Variants in LATS1 observed in about 807,000 individuals in gnomAD.
LATS1 encodes serine/threonine-protein kinase LATS1.
In LATS1, 25 loss-of-function variants were observed where a neutral mutation model predicts 106.6. That is an observed-to-expected ratio of 0.23 (90% CI 0.17 to 0.33). The LOEUF (loss-of-function observed/expected upper bound fraction) is 0.33, where lower values mean the gene tolerates loss of function less well. Ranked by LOEUF, LATS1 falls within the 10% of genes least tolerant of loss-of-function variation. The pLI, the probability that LATS1 is intolerant of heterozygous loss-of-function variation, is 1.00. For synonymous variants in LATS1, 465 were observed against 455.6 expected (o/e 1.02, Z -0.26); for missense variants, 1,040 against 1,382.6 (o/e 0.75, Z 3.93).
At chr6:149,674,203 T>C (rs1340489151) in intron 7 of LATS1, among the ~76,000 whole-genome samples, 1 of 151,252 alleles carries the variant, frequency 6.6e-6, no homozygotes, top group East Asian at 1.9e-4. Flanking sequence ...GCCTCCCAAG[T>C]AGCTGGGATT....
chr6:149,700,929 A>G (rs1162753643), intron 2 of LATS1, among the ~76,000 whole-genome samples: 1 of 152,142 alleles, frequency 6.6e-6, no homozygotes, highest in Non-Finnish European at 1.5e-5. Flanking sequence ...GATTACAGGC[A>G]TGTGCCACTA....
intron 7 of LATS1, among the ~76,000 whole-genome samples, chr6:149,669,189 A>T (rs1012938848): frequency 1.3e-5 from 2 of 151,508 alleles, no homozygotes; most frequent in African/African-American, 4.9e-5. Context: ...GCTGGAGTGC[A>T]GTGGCGCCAT....
rs888847591 is a variant in LATS1, at chr6:149,665,773, A to G, written c.2884-3535T>C. Among the ~76,000 whole-genome samples, 4 of 152,188 alleles carry G rather than the reference A, an allele frequency of 2.6e-5. No homozygotes were observed. In the East Asian group the frequency reaches 7.7e-4, roughly 29 times the overall value. ...TTTGAAACTGACATTGAAATCAAAA[A>G]AGACTGGTTGGAACTTGTGGCCTGA... On this transcript the variant is annotated intron_variant, in intron 7 of 7. Coordinates refer to ENST00000543571, the MANE Select transcript of LATS1 (RefSeq NM_004690.4).
intron 7 of LATS1, among the ~76,000 whole-genome samples, chr6:149,672,484 C>T (rs1016183371): frequency 3.3e-5 from 5 of 151,532 alleles, no homozygotes; most frequent in East Asian, 2.0e-4. Flanking sequence ...GCTGGGATTA[C>T]AGGTGTGAGT....
At chr6:149,707,461 T>C (rs534572110) in intron 1 of LATS1, among the ~76,000 whole-genome samples, 4 of 152,284 alleles carry the variant, frequency 2.6e-5, no homozygotes, top group African/African-American at 9.6e-5. Context: ...GAATGTATTG[T>C]TGCCCAAATT....
chr6:149,665,321 C>T (rs1168768612), intron 7 of LATS1, among the ~76,000 whole-genome samples: 1 of 152,126 alleles, frequency 6.6e-6, no homozygotes, highest in Non-Finnish European at 1.5e-5. Flanking sequence ...AAGATTGTGC[C>T]ACTGCACTCC....
At chr6:149,699,245 T>C (rs1783299216) in intron 2 of LATS1, among the ~76,000 whole-genome samples, 1 of 152,148 alleles carries the variant, frequency 6.6e-6, no homozygotes, top group Non-Finnish European at 1.5e-5. Context: ...TTCAAGGAAG[T>C]AGAAGTGGAC....
Position 149,661,773 on chromosome 6 carries a change from T to C in LATS1, c.3349A>G (p.Asn1117Asp). Reference sequence around the variant, plus strand: ...CGATTTTTAATCTCTGAGCCTGTGTTTTGATCATCTTCATCCGACTGCTGC... The same window carrying C: ...CGATTTTTAATCTCTGAGCCTGTGTCTTGATCATCTTCATCCGACTGCTGC... The part of the protein sequence containing the change: ...SEQQSDEDDQ[N>D]TGSEIKNRDL... The change falls in exon 8 of 8, where the codon AAC becomes GAC. Residue 1117 changes from asparagine to aspartate, a missense_variant. Asn to Asp is a conservative substitution (Grantham distance 23). Around this residue, in one of 7 missense-constraint regions of LATS1, gnomAD observed 46 missense variants for 42.4 expected, o/e 1.09. Transcript: ENST00000543571. 1 of 1,592,834 alleles carries C rather than the reference T, an allele frequency of 6.3e-7. No individual in the cohort carries two copies. Among genetic ancestry groups the C allele is most frequent in the Non-Finnish European group, 8.5e-7 (1 of 1,171,178 alleles).
chr6:149,716,358 C>T (rs1784394992), intron 1 of LATS1: 1 of 152,152 alleles, frequency 6.6e-6, no homozygotes, highest in Non-Finnish European at 1.5e-5. Context: ...TTCTTCAGTT[C>T]ACTTTCTAAT....
chr6:149,693,032 A>G (rs1782858868), intron 3 of LATS1, among the ~76,000 whole-genome samples: 1 of 151,852 alleles, frequency 6.6e-6, no homozygotes, highest in African/African-American at 2.4e-5. Flanking sequence ...CGGGAGGCTG[A>G]GGCAGGCAGA....
At chr6:149,702,537 A>T (rs1171622778) in intron 1 of LATS1, among the ~76,000 whole-genome samples, 1 of 152,162 alleles carries the variant, frequency 6.6e-6, no homozygotes, top group Non-Finnish European at 1.5e-5. Context: ...TACAAATGCC[A>T]GGGATTATTA....
At chr6:149,678,339 G>A (rs915124656) in intron 5 of LATS1, among the ~76,000 whole-genome samples, 4 of 139,170 alleles carry the variant, frequency 2.9e-5, no homozygotes, top group Admixed American at 7.8e-5. Context: ...GCGAGACTCC[G>A]TCTCAAAAAC....
intron 7 of LATS1, among the ~76,000 whole-genome samples, chr6:149,673,703 T>C (rs1305860379): frequency 6.6e-6 from 1 of 150,674 alleles, no homozygotes; most frequent in African/African-American, 2.5e-5. Context: ...AGATAGAGTC[T>C]CACTCTGTCG....
At chr6:149,714,307 T>C (rs905517351) in intron 1 of LATS1, among the ~76,000 whole-genome samples, 11 of 151,914 alleles carry the variant, frequency 7.2e-5, no homozygotes, top group African/African-American at 2.7e-4. Context: ...GAGATCTTGC[T>C]AGGTTGCCCA....
chr6:149,702,928 C>T (rs941779201), intron 1 of LATS1, among the ~76,000 whole-genome samples: 4 of 151,578 alleles, frequency 2.6e-5, no homozygotes, highest in African/African-American at 9.7e-5. Context: ...CCACCTCAGC[C>T]TCCCAAAGTG....
rs1024197429 is a variant in LATS1 at position 149,660,623 on chromosome 6, A to G, written c.*1106T>C. The G allele has an allele frequency of 8.6e-6, 2 of 232,122 alleles. No homozygotes were observed. The highest frequency in any genetic ancestry group is 1.7e-5 in the Non-Finnish European group (2 of 117,480). 14.4% of individuals were successfully genotyped at this position (232,122 alleles called of 1,614,324 possible). A position where few individuals can be genotyped will look rare whatever the true frequency, so the allele number is the denominator to read the frequency against. ...TTAGAACCTAAGCGTTATACATAAC[A>G]GGCATGTTGAACGCATTATTGAACC... On this transcript the variant is annotated 3_prime_UTR_variant, in exon 8 of 8. Transcript: ENST00000543571.
chr6:149,693,033 G>C (rs1782859115), intron 3 of LATS1, among the ~76,000 whole-genome samples: 1 of 151,900 alleles, frequency 6.6e-6, no homozygotes, highest in Non-Finnish European at 1.5e-5. Flanking sequence ...GGGAGGCTGA[G>C]GCAGGCAGAT....
chr6:149,713,772 G>A (rs1175276888), intron 1 of LATS1, among the ~76,000 whole-genome samples: 1 of 151,972 alleles, frequency 6.6e-6, no homozygotes, highest in Non-Finnish European at 1.5e-5. Flanking sequence ...CAATTCTCCT[G>A]CCTCAGCCTC....
chr6:149,681,365 T>C (rs956972653), intron 4 of LATS1, among the ~76,000 whole-genome samples: 37 of 152,216 alleles, frequency 2.4e-4, no homozygotes, highest in African/African-American at 8.9e-4. Flanking sequence ...AACAACCACA[T>C]GCTTCTGTTA....
Sources: allele counts gnomAD v4.1 joint callset (sites outside exome capture counted in the v4.1 genomes callset), GRCh38; gene constraint gnomAD v4.1.1; regional missense constraint gnomAD v4.1.1; transcripts MANE v1.5; gene names NCBI Gene and HGNC (gene_info 2026-07-23, HGNC 2026-07-21).